HOXA4: variants seen among roughly 807,000 people sequenced by gnomAD.
HOXA4 encodes homeobox A4.
HOXA4 carries 31 observed loss-of-function variants against 25.3 expected under a neutral mutation model. That is an observed-to-expected ratio of 1.22 (90% CI 0.92 to 1.65). The LOEUF is 1.65. Ranked by LOEUF, HOXA4 falls within the 40% of genes most tolerant of loss-of-function variation. The pLI is 0.00. For synonymous variants in HOXA4, 225 were observed against 207.7 expected, an observed-to-expected ratio of 1.08 and a Z score of -0.72; for missense variants, 459 against 446.0, an observed-to-expected ratio of 1.03 and a Z score of -0.26.
At chr7:27,129,684 A>G in intron 1 of HOXA4, 113 bp from the exon 2 acceptor site, 1 of 1,153,768 alleles carries the variant, frequency 8.7e-7, no homozygotes, top group Non-Finnish European at 1.3e-6. Context: ...TCATCATTAT[A>G]TAATAACCTG....
At chr7:27,129,926 A>C in intron 1 of HOXA4, 192 bp downstream of exon 1, 1 of 641,594 alleles carries the variant, frequency 1.6e-6, no homozygotes, top group Non-Finnish European at 2.7e-6. Flanking sequence ...GACCCTGGGT[A>C]CAAAAGGGTT....
At chr7:27,129,962 T>A (rs1785450778) in intron 1 of HOXA4, 156 bp downstream of exon 1, 3 of 801,132 alleles carry the variant, frequency 3.7e-6, no homozygotes, top group Non-Finnish European at 3.9e-6. Flanking sequence ...GGCGGCTGGC[T>A]GGCGCGCACA....
At position 27,130,154 on chromosome 7, in the gene HOXA4, C is replaced by T; in HGVS notation, c.580G>A (p.Val194Met). The part of the protein sequence containing the change: ...PLGLKGKEPV[V>M]YPWMKKIHVS... Reference sequence around the variant, plus strand: ...TGGATCTTCTTCATCCAGGGGTACACCACGGGCTCCTTGCCCTTCAGGCCC... The same window carrying T: ...TGGATCTTCTTCATCCAGGGGTACATCACGGGCTCCTTGCCCTTCAGGCCC... The change falls in exon 1 of 2, where the codon GTG becomes ATG. Residue 194 changes from valine (V) to methionine (M), a missense_variant. By Grantham distance (21) the Val-to-Met change is conservative. Transcript: ENST00000360046. 6.2e-7 allele frequency: 1 copy of T among 1,602,946 alleles called. No individual in the cohort carries two copies. The highest frequency in any genetic ancestry group is 2.2e-5 in the East Asian group (1 of 44,674).
At chr7:27,129,830 T>C in intron 1 of HOXA4, 1 of 607,568 alleles carries the variant, frequency 1.6e-6, no homozygotes, top group Non-Finnish European at 2.9e-6. Flanking sequence ...ACACATGGCC[T>C]GAAGCCTCTG....
At chr7:27,129,877 C>A (rs899774921) in intron 1 of HOXA4, 1 of 607,290 alleles carries the variant, frequency 1.6e-6, no homozygotes, top group Non-Finnish European at 2.9e-6. Flanking sequence ...ATAATTACTG[C>A]CCTAACAGTT....
In HOXA4 at chr7:27,130,454, C is replaced by T; in HGVS notation, c.280G>A (p.Gly94Arg). ...YPAAALYPAH[G>R]AADTAYPYGY... Reference sequence around the variant, plus strand: ...TAGGGGTAGGCGGTGTCCGCGGCCCCATGCGCGGGGTACAGCGCGGCAGCA... The same window carrying T: ...TAGGGGTAGGCGGTGTCCGCGGCCCTATGCGCGGGGTACAGCGCGGCAGCA... Residue 94 changes from glycine (G) to arginine (R), a missense_variant, in exon 1 of 2, where the codon GGG becomes AGG. Transcript: ENST00000360046. 8.2e-7 allele frequency: 1 copy of T among 1,224,582 alleles called. No homozygotes were observed. The highest frequency in any genetic ancestry group is 1.0e-6 in the Non-Finnish European group (1 of 983,686). The allele number at this position is 1,224,582 out of a possible 1,614,324, so 75.9% of individuals were successfully genotyped here. A position where few individuals can be genotyped will look rare whatever the true frequency, so the allele number is the denominator to read the frequency against.
rs374455430 is a variant in HOXA4 at position 27,129,586 on chromosome 7, C to T, written c.617-15G>A. ...ACTGGGGTTAACTGAAAACCCAGAA[C>T]CCCGAAATAGAAGGCCAAGGAGGAG... On this transcript the variant is annotated splice_polypyrimidine_tract_variant and intron_variant, in intron 1 of 1. Coordinates refer to ENST00000360046, the MANE Select transcript of HOXA4 (RefSeq NM_002141.5). 7 of 1,609,504 alleles carry T rather than the reference C, an allele frequency of 4.3e-6. No homozygotes were observed. Among genetic ancestry groups the T allele is most frequent in the Non-Finnish European group, 1.7e-6 (2 of 1,179,916 alleles).
At position 27,129,335 on chromosome 7, in the gene HOXA4, T is replaced by TG; in HGVS notation, c.852dup (p.Asn285GlnfsTer40). On this transcript the variant is annotated frameshift_variant, in exon 2 of 2. Transcript: ENST00000360046. LOFTEE classifies it high-confidence loss of function. ...GGGCCGGCAGAGGCCGAGGCCGAATTGGAGGATCGCATCTTGGTGTTGGGC... is the reference window on the plus strand; with the variant it reads ...GGGCCGGCAGAGGCCGAGGCCGAATTGGGAGGATCGCATCTTGGTGTTGGGC... The TG allele has an allele frequency of 6.2e-7, 1 of 1,614,142 alleles. No individual in the cohort carries two copies. The highest frequency in any genetic ancestry group is 8.5e-7 in the Non-Finnish European group (1 of 1,180,044).
Position 27,130,425 on chromosome 7 carries a change from G to A in HOXA4, c.309C>T (p.Gly103=), listed in dbSNP as rs770845622. The A allele has an allele frequency of 1.2e-4, 138 of 1,182,410 alleles. 3 individuals are homozygous for A. In the South Asian group the frequency reaches 2.9e-3, roughly 25 times the overall value. The allele number at this position is 1,182,410 out of a possible 1,614,324, so 73.2% of individuals were successfully genotyped here. Residue 103 remains glycine (G), a synonymous_variant, in exon 1 of 2, where the codon GGC becomes GGT. Coordinates refer to ENST00000360046, the MANE Select transcript of HOXA4 (RefSeq NM_002141.5). ...GCCCGGGGCTGGCGCCGCCGCGGTA[G>A]CCATAGGGGTAGGCGGTGTCCGCGG... ...HGAADTAYPY[G]YRGGASPGRP... is the part of the protein sequence containing the mutation.
chr7:27,129,757 G>C (rs1462599772), intron 1 of HOXA4, among the ~76,000 whole-genome samples, 186 bp from the exon 2 acceptor site: 3 of 152,208 alleles, frequency 2.0e-5, no homozygotes, highest in Non-Finnish European at 4.4e-5. Flanking sequence ...TATTGACAAC[G>C]GGAAACACCC....
Position 27,129,247 on chromosome 7 carries a change from G to A in HOXA4, c.941C>T (p.Thr314Ile). 6.3e-7 allele frequency: 1 copy of A among 1,581,870 alleles called. No homozygotes were observed. Among genetic ancestry groups the A allele is most frequent in the South Asian group, 1.1e-5 (1 of 90,426 alleles). The change falls in exon 2 of 2, where the codon ACA becomes ATA. Residue 314 changes from threonine to isoleucine, a missense_variant. By Grantham distance (89) the Thr-to-Ile change is moderately conservative (BLOSUM62 -1). Coordinates refer to ENST00000360046, the MANE Select transcript of HOXA4 (RefSeq NM_002141.5). ...LHPHPHPSTSTPVPSSI is the reference protein window; with the variant it reads ...LHPHPHPSTSIPVPSSI The stretch of plus-strand genomic sequence containing the variant: ...AGATTATATGGAGGAGGGAACGGGT[G>A]TGGAGGTGCTCGGGTGGGGGTGGGG...
At chr7:27,129,662 A>G (rs1009233580) in intron 1 of HOXA4, 91 bp from the exon 2 acceptor site, 5 of 1,375,536 alleles carry the variant, frequency 3.6e-6, no homozygotes, top group Non-Finnish European at 4.1e-6. Context: ...GGTGGGGAAG[A>G]GCAATTGGAC....
chr7:27,130,100 C>T lies in HOXA4; in HGVS notation c.616+18G>A. 1 of 1,587,932 alleles carries T rather than the reference C, an allele frequency of 6.3e-7. No individual in the cohort carries two copies. ...AGCCCCGGCCCACCTCCCGCGCCTC[C>T]CAAGCGGCGCCACGTACCGGCGCTG... On this transcript the variant is annotated intron_variant, in intron 1 of 1. Coordinates refer to ENST00000360046, the MANE Select transcript of HOXA4 (RefSeq NM_002141.5).
In HOXA4 at chr7:27,129,188, A is replaced by T; in HGVS notation, c.*37T>A. The T allele has an allele frequency of 8.5e-7, 1 of 1,177,390 alleles. No homozygotes were observed. Among genetic ancestry groups the T allele is most frequent in the Non-Finnish European group, 1.3e-6 (1 of 782,812 alleles). The allele number at this position is 1,177,390 out of a possible 1,614,324, so 72.9% of individuals were successfully genotyped here. The stretch of plus-strand genomic sequence containing the variant: ...GAGCAGGAGAAGAGAAGAGAAAAGC[A>T]GGTAAGGGATAGAAACTGGTTAAGA... On this transcript the variant is annotated 3_prime_UTR_variant, in exon 2 of 2. Transcript: ENST00000360046.
chr7:27,130,343 G>T lies in HOXA4; in HGVS notation c.391C>A (p.His131Asn). Residue 131 changes from histidine to asparagine, a missense_variant, in exon 1 of 2, where the codon CAT becomes AAT. By Grantham distance (68) the His-to-Asn change is moderately conservative. Coordinates refer to ENST00000360046, the MANE Select transcript of HOXA4 (RefSeq NM_002141.5). ...TGGGGCTGCAGGACGTGGCTCGCAT[G>T]CAGGCCGTGCGCTGGGCCCTTGGCT... Reference protein sequence around the residue: ...AQAKGPAHGLHASHVLQPQLP... With the variant: ...AQAKGPAHGLNASHVLQPQLP... 1 of 1,118,770 alleles carries T rather than the reference G, an allele frequency of 8.9e-7. No individual in the cohort carries two copies. Among genetic ancestry groups the T allele is most frequent in the Non-Finnish European group, 1.1e-6 (1 of 915,796 alleles). 69.3% of individuals were successfully genotyped at this position (1,118,770 alleles called of 1,614,324 possible). A position where few individuals can be genotyped will look rare whatever the true frequency, so the allele number is the denominator to read the frequency against.
Position 27,128,994 on chromosome 7 carries a change from C to A in HOXA4, c.*231G>T. 3.4e-6 allele frequency: 2 copies of A among 588,450 alleles called. No individual in the cohort carries two copies. The highest frequency in any genetic ancestry group is 6.1e-6 in the Non-Finnish European group (2 of 329,356). 36.5% of individuals were successfully genotyped at this position (588,450 alleles called of 1,614,324 possible). ...CCACACCTGGCAGCCTTGTTTCGGG[C>A]CAGCAGGTTGTTCCACCAGCCAGCA... On this transcript the variant is annotated 3_prime_UTR_variant, in exon 2 of 2. Transcript: ENST00000360046.
At position 27,130,501 on chromosome 7, in the gene HOXA4, G is replaced by A. The variant is rs1281038098; in HGVS notation, c.233C>T (p.Thr78Ile). 7.7e-7 allele frequency: 1 copy of A among 1,290,880 alleles called. No individual in the cohort carries two copies. 80.0% of individuals were successfully genotyped at this position (1,290,880 alleles called of 1,614,324 possible). ...AGCAGGGTAGGCGGGCTCGCGGGCG[G>A]TCCGCGGCGCGTAGTAGGAGGCAGT... ...EPTASYYAPRTAREPAYPAAA... is the reference protein window; with the variant it reads ...EPTASYYAPRIAREPAYPAAA... The change falls in exon 1 of 2, where the codon ACC becomes ATC. Residue 78 changes from threonine (T) to isoleucine (I), a missense_variant. Transcript: ENST00000360046.
chr7:27,130,653 G>A lies in HOXA4; in HGVS notation c.81C>T (p.Ser27=). 6.2e-7 allele frequency: 1 copy of A among 1,603,346 alleles called. No individual in the cohort carries two copies. The highest frequency in any genetic ancestry group is 8.5e-7 in the Non-Finnish European group (1 of 1,174,792). ...GGCCGCCGTCTGCGCCGCCCGAGCC[G>A]CTGTGCTGCGCGTACTCCTCGAAGG... The part of the protein sequence containing the change: ...FPPFEEYAQH[S]GSGGADGGPG... The change falls in exon 1 of 2, where the codon AGC becomes AGT. Residue 27 remains serine (S), a synonymous_variant. Transcript: ENST00000360046.
rs1785435399 is a variant in HOXA4, at chr7:27,129,655, G to A, written c.617-84C>T. Reference sequence around the variant, plus strand: ...AGGAGGAGGAGAGAGAAGGTGGGGTGGGGAAGAGCAATTGGACATCATCAT... The same window carrying A: ...AGGAGGAGGAGAGAGAAGGTGGGGTAGGGAAGAGCAATTGGACATCATCAT... On this transcript the variant is annotated intron_variant, in intron 1 of 1. Transcript: ENST00000360046. The A allele has an allele frequency of 4.1e-6, 6 of 1,460,190 alleles. No homozygotes were observed. The South Asian group carries it at 4.6e-5, about 11-fold the overall frequency. 90.5% of individuals were successfully genotyped at this position (1,460,190 alleles called of 1,614,324 possible).
Sources: gnomAD v4.1 joint callset for allele counts (sites outside exome capture counted in the v4.1 genomes callset) on GRCh38, gnomAD v4.1.1 for gene constraint, MANE v1.5 for transcripts, NCBI Gene and HGNC (gene_info 2026-07-23, HGNC 2026-07-21) for gene names.